The following ZNF341 variants were observed in gnomAD, a reference collection of about 807,000 sequenced individuals.
The protein encoded by ZNF341 is zinc finger protein 341.
A neutral mutation model predicts 87.7 loss-of-function variants in ZNF341; 52 were observed. That is an observed-to-expected ratio of 0.59 (90% CI 0.47 to 0.75). ZNF341 has a LOEUF of 0.75. ZNF341 is among the 30% of genes least tolerant of loss of function. The pLI is 0.00. For missense variants in ZNF341, 977 were observed against 1,145.9 expected (o/e 0.85, Z 2.13); for synonymous variants, 459 against 472.7 (o/e 0.97, Z 0.38).
chr20:33,751,648 A>G (rs1402188546), intron 4 of ZNF341, among the ~76,000 whole-genome samples: 1 of 152,090 alleles, frequency 6.6e-6, no homozygotes, highest in Non-Finnish European at 1.5e-5. Flanking sequence ...ATTTCGGCTC[A>G]CTGCAACCTC....
chr20:33,762,632 A>G (rs943960863), intron 8 of ZNF341, among the ~76,000 whole-genome samples: 5 of 151,746 alleles, frequency 3.3e-5, no homozygotes, highest in Non-Finnish European at 7.4e-5. Flanking sequence ...CCCATCATCT[A>G]GGTTTTAGGC....
At position 33,745,301 on chromosome 20, in the gene ZNF341, TATTTGTTC is replaced by T. The variant is rs1379318657; in HGVS notation, c.339+7_339+14del. 1.2e-6 allele frequency: 2 copies of T among 1,610,574 alleles called. No individual in the cohort carries two copies. The highest frequency in any genetic ancestry group is 1.7e-6 in the Non-Finnish European group (2 of 1,177,312). On this transcript the variant is annotated splice_donor_5th_base_variant and intron_variant, in intron 3 of 14. Coordinates refer to ENST00000375200, the MANE Select transcript of ZNF341 (RefSeq NM_001282933.2). ...GCCCCAACTCCTGCCAATCGCCAGG[TATTTGTTC>T]ATTTATTCATTCAACATGTCTTTTT... is the stretch of plus-strand genomic sequence containing the variant.
intron 1 of ZNF341, 97 bp from the exon 2 acceptor site, chr20:33,740,805 G>A: frequency 1.8e-6 from 2 of 1,089,632 alleles, no homozygotes; most frequent in Non-Finnish European, 2.7e-6. Flanking sequence ...ACCGTACCCA[G>A]CCGCCACAGG....
chr20:33,733,665 TC>T (rs2018625175), intron 1 of ZNF341, among the ~76,000 whole-genome samples: 1 of 152,128 alleles, frequency 6.6e-6, no homozygotes, highest in African/African-American at 2.4e-5. Context: ...GAGCGACTGC[TC>T]CAGGACTCCC....
At chr20:33,788,686 A>G in intron 12 of ZNF341, 177 bp from the exon 13 acceptor site, 1 of 669,282 alleles carries the variant, frequency 1.5e-6, no homozygotes, top group Admixed American at 2.1e-5. Flanking sequence ...CCATCCTGTC[A>G]AAATAGCCCT....
At chr20:33,789,243 A>G (rs2019944504) in intron 13 of ZNF341, among the ~76,000 whole-genome samples, 1 of 151,990 alleles carries the variant, frequency 6.6e-6, no homozygotes, top group East Asian at 1.9e-4. Context: ...GAGTTTCGCC[A>G]TGTTGCCTAG....
chr20:33,750,065 A>G (rs951005254), intron 4 of ZNF341, among the ~76,000 whole-genome samples: 3 of 152,162 alleles, frequency 2.0e-5, no homozygotes, highest in Non-Finnish European at 4.4e-5. Context: ...TTTATTCTTA[A>G]CAAGTGTCCC....
chr20:33,749,099 G>T (rs777247152), intron 4 of ZNF341, 27 bp downstream of exon 4: 5 of 1,604,558 alleles, frequency 3.1e-6, no homozygotes, highest in Non-Finnish European at 4.3e-6. Flanking sequence ...TTCTCACAGG[G>T]TCTTGATTCC....
chr20:33,790,554 T>C (rs1489785889), intron 14 of ZNF341, among the ~76,000 whole-genome samples: 1 of 152,186 alleles, frequency 6.6e-6, no homozygotes, highest in African/African-American at 2.4e-5. Flanking sequence ...TGAGAAGGTT[T>C]ACAGAAAGGA....
At position 33,750,936 on chromosome 20, in the gene ZNF341, T is replaced by G. The variant is rs557573606; in HGVS notation, c.489+1864T>G. On this transcript the variant is annotated intron_variant, in intron 4 of 14. Coordinates refer to ENST00000375200, the MANE Select transcript of ZNF341 (RefSeq NM_001282933.2). The stretch of plus-strand genomic sequence containing the variant: ...GATTACAGGCGTGAGCCACCGTGCC[T>G]GGCCTAAAAAAATTTTTTTTTAGAG... Among the ~76,000 whole-genome samples the G allele has an allele frequency of 1.0e-3, 152 of 152,198 alleles. 2 individuals carry two copies. The highest frequency in any genetic ancestry group is 9.6e-4 in the Non-Finnish European group (65 of 67,998).
intron 4 of ZNF341, chr20:33,752,248 TG>T (rs2019075013): frequency 1.7e-6 from 1 of 590,698 alleles, no homozygotes; most frequent in Non-Finnish European, 3.3e-6. Context: ...AGAGCTTATT[TG>T]GTGGATCTTC....
chr20:33,765,320 G>A (rs2019381749), intron 8 of ZNF341, among the ~76,000 whole-genome samples: 1 of 151,986 alleles, frequency 6.6e-6, no homozygotes, highest in African/African-American at 2.4e-5. Context: ...CAGGCTTCCT[G>A]TTGGAACTAG....
At chr20:33,750,789 C>T (rs1057498752) in intron 4 of ZNF341, among the ~76,000 whole-genome samples, 7 of 152,098 alleles carry the variant, frequency 4.6e-5, no homozygotes, top group African/African-American at 1.2e-4. Flanking sequence ...TACAGGCACC[C>T]GCCACCATGT....
In ZNF341 at chr20:33,748,927, C is replaced by T. The variant is rs1324726824; in HGVS notation, c.344C>T (p.Ser115Phe). 2.5e-6 allele frequency: 4 copies of T among 1,612,532 alleles called. No individual in the cohort carries two copies. The highest frequency in any genetic ancestry group is 3.4e-6 in the Non-Finnish European group (4 of 1,179,054). ...TCTCTCTCTCCCACTGTCCAGATCT[C>T]CACATACATCACAGTGCCCCCGTCC... ...QAPTPANRQI[S>F]TYITVPPSPL... The change falls in exon 4 of 15, where the codon TCC becomes TTC. Residue 115 changes from serine to phenylalanine, a missense_variant. Physicochemically the swap from Ser to Phe is radical, Grantham distance 155. This residue lies in a region of ZNF341 where 515 missense variants were observed against 598.2 expected (regional missense o/e 0.86). Transcript: ENST00000375200.
intron 4 of ZNF341, among the ~76,000 whole-genome samples, chr20:33,750,767 A>T (rs1047254070): frequency 2.0e-5 from 3 of 151,930 alleles, no homozygotes; most frequent in Non-Finnish European, 2.9e-5. Flanking sequence ...CAGCCTCCTG[A>T]GTAGCTGGTA....
Position 33,783,173 on chromosome 20 carries a change from T to TAAAATAAAAC in ZNF341, c.1720-556_1720-555insATAAAACAAA, listed in dbSNP as rs796881231. Among the ~76,000 whole-genome samples, 554 of 123,566 alleles carry TAAAATAAAAC rather than the reference T, an allele frequency of 4.5e-3. 1 individual carries two copies. The highest frequency in any genetic ancestry group is 6.2e-3 in the Non-Finnish European group (368 of 59,324). 81.1% of individuals were successfully genotyped at this position (123,566 alleles called of 152,430 possible). A position where few individuals can be genotyped will look rare whatever the true frequency, so the allele number is the denominator to read the frequency against. ...GCATCTCAAATAAAATAAAATAAAATAAATAAAAGTAAAAAATTACCTTTC... is the reference window on the plus strand; with the variant it reads ...GCATCTCAAATAAAATAAAATAAAATAAAATAAAACAAATAAAAGTAAAAAATTACCTTTC... On this transcript the variant is annotated intron_variant, in intron 11 of 14. Coordinates refer to ENST00000375200, the MANE Select transcript of ZNF341 (RefSeq NM_001282933.2).
In ZNF341 at chr20:33,758,678, C is replaced by G. The variant is rs772013297; in HGVS notation, c.938-38C>G. 3 of 1,567,046 alleles carry G rather than the reference C, an allele frequency of 1.9e-6. No individual in the cohort carries two copies. The African/African-American group carries it at 4.1e-5, about 21-fold the overall frequency. ...TGCCCTTGGTGCCCTGAGCTGCACCCCCAGCCTCATTGTCCCCTCCTTCCA... is the reference window on the plus strand; with the variant it reads ...TGCCCTTGGTGCCCTGAGCTGCACCGCCAGCCTCATTGTCCCCTCCTTCCA... On this transcript the variant is annotated intron_variant, in intron 6 of 14. Coordinates refer to ENST00000375200, the MANE Select transcript of ZNF341 (RefSeq NM_001282933.2).
intron 10 of ZNF341, among the ~76,000 whole-genome samples, chr20:33,779,851 G>A (rs1490636490): frequency 1.3e-5 from 2 of 152,188 alleles, no homozygotes; most frequent in Non-Finnish European, 2.9e-5. Context: ...GGAAGGCGCT[G>A]GGCTTGGATC....
intron 3 of ZNF341, among the ~76,000 whole-genome samples, chr20:33,747,543 A>C (rs1364467170): frequency 9.0e-6 from 1 of 111,640 alleles, no homozygotes; most frequent in Non-Finnish European, 1.6e-5. Flanking sequence ...TGGACCCGGG[A>C]GGCGGAGCTT....
Sources: allele counts gnomAD v4.1 joint callset (sites outside exome capture counted in the v4.1 genomes callset), GRCh38; gene constraint gnomAD v4.1.1; regional missense constraint gnomAD v4.1.1; transcripts MANE v1.5; gene names NCBI Gene and HGNC (gene_info 2026-07-23, HGNC 2026-07-21).